CABLES1: variants seen among roughly 807,000 people sequenced by gnomAD.
CABLES1 encodes the protein Cdk5 and Abl enzyme substrate 1, also known as CDK5 and ABL1 enzyme substrate 1.
Under a neutral mutation model 57.8 loss-of-function variants are expected in CABLES1, and 36 were observed. The ratio of observed to expected loss-of-function variants is 0.62; its 90% CI spans 0.48 to 0.82. CABLES1 has a LOEUF of 0.82. Among genes scored for constraint, CABLES1 ranks in the 40% least tolerant of loss-of-function variants. CABLES1 has a pLI of 0.00. For synonymous variants in CABLES1, 374 were observed against 363.0 expected, an observed-to-expected ratio of 1.03 and a Z score of -0.35; for missense variants, 767 against 836.6, an observed-to-expected ratio of 0.92 and a Z score of 1.03.
intron 1 of CABLES1, among the ~76,000 whole-genome samples, chr18:23,144,108 ACAGAGCCAGCCG>A (rs756850162): frequency 5.3e-5 from 8 of 152,204 alleles, no homozygotes; most frequent in Non-Finnish European, 7.3e-5. Context: ...TCCGTCAGCC[ACAGAGCCAGCCG>A]CTGCTCTCCC....
chr18:23,219,496 C>G (rs986778832), intron 4 of CABLES1, among the ~76,000 whole-genome samples: 1 of 152,228 alleles, frequency 6.6e-6, no homozygotes, highest in Non-Finnish European at 1.5e-5. Flanking sequence ...AGCGGATGAT[C>G]CAGCTCCTCG....
chr18:23,221,743 C>T (rs2047488901), intron 4 of CABLES1, among the ~76,000 whole-genome samples: 1 of 152,204 alleles, frequency 6.6e-6, no homozygotes, highest in Non-Finnish European at 1.5e-5. Flanking sequence ...AACCTAGGCC[C>T]CCTGTGGGAG....
chr18:23,210,584 A>G (rs143224793), intron 3 of CABLES1, among the ~76,000 whole-genome samples: 1,884 of 152,346 alleles, frequency 0.012, 12 homozygotes, highest in Middle Eastern at 0.024. Context: ...TGAACCCCAC[A>G]GGTTCTAAAC....
rs1424773965 is a variant in CABLES1, at chr18:23,259,322, GGA to G, written c.*1957_*1958del. 4 of 150,332 alleles carry G rather than the reference GGA, an allele frequency of 2.7e-5. No homozygotes were observed. Among genetic ancestry groups the G allele is most frequent in the Non-Finnish European group, 5.9e-5 (4 of 67,514 alleles). The allele number at this position is 150,332 out of a possible 1,614,324, so 9.3% of individuals were successfully genotyped here. A position where few individuals can be genotyped will look rare whatever the true frequency, so the allele number is the denominator to read the frequency against. ...CCCCGAATTTCCTGCCAAGCTCTGG[GGA>G]GTGGGGTGGGGGGAGGGACGTCCGA... On this transcript the variant is annotated 3_prime_UTR_variant, in exon 10 of 10. Transcript: ENST00000256925.
chr18:23,255,609 G>C (rs1369243151), intron 9 of CABLES1, among the ~76,000 whole-genome samples: 8 of 149,328 alleles, frequency 5.4e-5, no homozygotes, highest in Admixed American at 4.7e-4. Context: ...ACCCAGACTG[G>C]AGTGCAGTGG....
At chr18:23,151,823 G>A (rs1432824502) in intron 1 of CABLES1, among the ~76,000 whole-genome samples, 1 of 152,178 alleles carries the variant, frequency 6.6e-6, no homozygotes, top group Non-Finnish European at 1.5e-5. Flanking sequence ...GGCCAGAAGG[G>A]CTCATGCAGG....
intron 1 of CABLES1, among the ~76,000 whole-genome samples, chr18:23,178,074 A>G (rs527465714): frequency 7.2e-5 from 11 of 152,016 alleles, no homozygotes; most frequent in Admixed American, 7.2e-4. Flanking sequence ...TCCCTTTCCA[A>G]TATTCCCTTC....
chr18:23,217,324 C>T (rs1328421647), intron 4 of CABLES1, among the ~76,000 whole-genome samples: 1 of 152,188 alleles, frequency 6.6e-6, no homozygotes, highest in Non-Finnish European at 1.5e-5. Flanking sequence ...CTCAAGTGAT[C>T]CTCCTGCCTC....
chr18:23,253,829 G>A lies in CABLES1; in HGVS notation c.1654G>A (p.Gly552Arg), dbSNP rs1421304994. ...FVYFEKLALK[G>R]KLNKQNRKLC... is the part of the protein sequence containing the mutation. Reference sequence around the variant, plus strand: ...CTACTTTGAAAAGCTCGCCCTCAAGGGGAAACTCAACAAACAGAACCGGAA... The same window carrying A: ...CTACTTTGAAAAGCTCGCCCTCAAGAGGAAACTCAACAAACAGAACCGGAA... Residue 552 changes from glycine to arginine, a missense_variant, in exon 9 of 10, where the codon GGG (glycine) becomes AGG (arginine). By Grantham distance (125) the Gly-to-Arg change is moderately radical. Around this residue, in one of 4 missense-constraint regions of CABLES1, gnomAD observed 529 missense variants for 622.8 expected, o/e 0.85. Coordinates refer to ENST00000256925, the MANE Select transcript of CABLES1 (RefSeq NM_001100619.3). 6.2e-7 allele frequency: 1 copy of A among 1,614,100 alleles called. No homozygotes were observed. Among genetic ancestry groups the A allele is most frequent in the Non-Finnish European group, 8.5e-7 (1 of 1,180,048 alleles).
At chr18:23,224,125 T>A (rs2145067625) in intron 4 of CABLES1, among the ~76,000 whole-genome samples, 1 of 151,998 alleles carries the variant, frequency 6.6e-6, no homozygotes, top group East Asian at 1.9e-4. Context: ...TTTTTTTTTT[T>A]TTTTTTTAAG....
intron 5 of CABLES1, among the ~76,000 whole-genome samples, chr18:23,235,204 C>G (rs2047594598): frequency 6.6e-6 from 1 of 152,176 alleles, no homozygotes; most frequent in African/African-American, 2.4e-5. Context: ...AAAGATGACC[C>G]TGCCCTTTGT....
intron 1 of CABLES1, among the ~76,000 whole-genome samples, chr18:23,158,047 T>A (rs896813371): frequency 1.3e-5 from 2 of 150,480 alleles, no homozygotes; most frequent in Admixed American, 6.7e-5. Flanking sequence ...TTTGGGAGGC[T>A]GAGGCAGGTG....
chr18:23,221,035 G>A (rs1235719790), intron 4 of CABLES1, among the ~76,000 whole-genome samples: 5 of 152,052 alleles, frequency 3.3e-5, no homozygotes, highest in Non-Finnish European at 7.4e-5. Flanking sequence ...CCTTTTCCCC[G>A]ATACACCCAA....
In CABLES1 at chr18:23,146,206, A is replaced by G. The variant is rs573757063; in HGVS notation, c.845+9599A>G. Among the ~76,000 whole-genome samples, 6 of 152,364 alleles carry G rather than the reference A, an allele frequency of 3.9e-5. No individual in the cohort carries two copies. In the East Asian group the frequency reaches 1.2e-3, roughly 29 times the overall value. ...GGTGGCGGGGTAGAGGAACAAATGTAAGGAGCTGGAAGATATTCAAAGTCT... is the reference window on the plus strand; with the variant it reads ...GGTGGCGGGGTAGAGGAACAAATGTGAGGAGCTGGAAGATATTCAAAGTCT... On this transcript the variant is annotated intron_variant, in intron 1 of 9. Coordinates refer to ENST00000256925, the MANE Select transcript of CABLES1 (RefSeq NM_001100619.3).
chr18:23,244,027 T>C (rs903521868), intron 7 of CABLES1, among the ~76,000 whole-genome samples: 1 of 152,260 alleles, frequency 6.6e-6, no homozygotes, highest in African/African-American at 2.4e-5. Context: ...GCTCTCTTTC[T>C]ATGTATTTGT....
intron 1 of CABLES1, among the ~76,000 whole-genome samples, chr18:23,141,712 A>C (rs776049142): frequency 6.6e-6 from 1 of 152,324 alleles, no homozygotes; most frequent in African/African-American, 2.4e-5. Flanking sequence ...AGAAATACAT[A>C]GGAAGCCTGC....
chr18:23,243,121 T>C (rs1348638115), intron 7 of CABLES1, among the ~76,000 whole-genome samples: 4 of 151,776 alleles, frequency 2.6e-5, no homozygotes, highest in Non-Finnish European at 5.9e-5. Context: ...CATTAAAAGT[T>C]ACCTGGATGA....
At chr18:23,246,287 G>A (rs958265394) in intron 7 of CABLES1, among the ~76,000 whole-genome samples, 18 of 151,872 alleles carry the variant, frequency 1.2e-4, no homozygotes, top group African/African-American at 4.4e-4. Context: ...AGAAAACAGT[G>A]GTCACTCAGA....
intron 1 of CABLES1, among the ~76,000 whole-genome samples, chr18:23,177,444 C>CAT (rs1274684169): frequency 6.6e-6 from 1 of 151,260 alleles, no homozygotes; most frequent in Non-Finnish European, 1.5e-5. Context: ...CACACACACA[C>CAT]ACACACACAC....
Sources: gnomAD v4.1 joint callset for allele counts (sites outside exome capture counted in the v4.1 genomes callset) on GRCh38, gnomAD v4.1.1 for gene constraint, gnomAD v4.1.1 regional missense constraint, MANE v1.5 for transcripts, NCBI Gene and HGNC (gene_info 2026-07-23, HGNC 2026-07-21) for gene names.